Variants in RTN4 observed in about 807,000 individuals in gnomAD.
RTN4 encodes the protein reticulon-4.
A neutral mutation model predicts 90.4 loss-of-function variants in RTN4; 32 were observed. The ratio of observed to expected loss-of-function variants is 0.35; its 90% CI spans 0.27 to 0.48. The LOEUF is 0.48. Among genes scored for constraint, RTN4 ranks in the 20% least tolerant of loss-of-function variants. The pLI, the probability that RTN4 is intolerant of heterozygous loss-of-function variation, is 0.99. For missense variants in RTN4, 1,706 were observed against 1,430.2 expected (o/e 1.19, Z -3.11); for synonymous variants, 629 against 552.5 (o/e 1.14, Z -1.94).
the RTN4 span, among the ~76,000 whole-genome samples, chr2:55,129,562 T>C: frequency 1.4e-5 from 2 of 147,306 alleles, no homozygotes; most frequent in African/African-American, 5.1e-5. Flanking sequence ...ACTGGGTGAG[T>C]GACAAAGCAA....
Position 55,034,892 on chromosome 2 carries a change from C to A in RTN4, c.557-6672G>T, listed in dbSNP as rs184513152. On this transcript the variant is annotated intron_variant, in intron 1 of 8. Transcript: ENST00000337526. ...TAGTATATGAAAGTATGTTTTATTACATGTGAAACATGTAAGGTGGTATAA... is the reference window on the plus strand; with the variant it reads ...TAGTATATGAAAGTATGTTTTATTAAATGTGAAACATGTAAGGTGGTATAA... Among the ~76,000 whole-genome samples the A allele has an allele frequency of 7.2e-4, 109 of 152,240 alleles. 1 individual carries two copies. Among genetic ancestry groups the A allele is most frequent in the African/African-American group, 2.5e-3 (103 of 41,542 alleles).
chr2:55,070,748 T>TTTG (rs71410417), intron 2 of RTN4, among the ~76,000 whole-genome samples: 24,782 of 149,352 alleles, frequency 0.17, 3,601 homozygotes, highest in African/African-American at 0.39. Context: ...TGTTTTGATT[T>TTTG]TTGTTGTTGT....
the RTN4 span, among the ~76,000 whole-genome samples, chr2:55,126,666 C>A: frequency 6.6e-6 from 1 of 152,132 alleles, no homozygotes; most frequent in Non-Finnish European, 1.5e-5. Flanking sequence ...CCCAGCAATC[C>A]CATTATTGGG....
upstream of RTN4, among the ~76,000 whole-genome samples, chr2:55,113,514 T>C (rs1461031469): frequency 6.6e-6 from 1 of 152,044 alleles, no homozygotes; most frequent in African/African-American, 2.4e-5. Context: ...GAGACAAGGG[T>C]GGTGGTGGTA....
At chr2:55,134,021 G>A in the RTN4 span, among the ~76,000 whole-genome samples, 1 of 152,080 alleles carries the variant, frequency 6.6e-6, no homozygotes, top group African/African-American at 2.4e-5. Flanking sequence ...TGAGCTTTCT[G>A]GGAAAGGGGT....
chr2:55,129,822 A>C, the RTN4 span, among the ~76,000 whole-genome samples: 1 of 152,138 alleles, frequency 6.6e-6, no homozygotes, highest in South Asian at 2.1e-4. Context: ...CGGACTCCCA[A>C]AGTGTTGCAA....
intron 1 of RTN4, among the ~76,000 whole-genome samples, chr2:55,106,917 G>C (rs934764933): frequency 1.3e-5 from 2 of 152,148 alleles, no homozygotes; most frequent in African/African-American, 2.4e-5. Context: ...ACAAACACTA[G>C]CACCTGAATG....
At chr2:55,111,106 GAATAAAAACAA>G (rs953348176) in intron 1 of RTN4, among the ~76,000 whole-genome samples, 16 of 151,980 alleles carry the variant, frequency 1.1e-4, no homozygotes, top group Admixed American at 5.2e-4. Context: ...AAAAAGAAAA[GAATAAAAACAA>G]AATAAAAACA....
chr2:55,116,131 G>A (rs774605998), upstream of RTN4, among the ~76,000 whole-genome samples: 1 of 75,206 alleles, frequency 1.3e-5, no homozygotes, highest in African/African-American at 5.5e-5. Flanking sequence ...GTCTCACTTT[G>A]TTGCCCAGGC....
At chr2:55,114,656 G>A (rs922284456), upstream of RTN4, among the ~76,000 whole-genome samples, 5 of 152,088 alleles carry the variant, frequency 3.3e-5, no homozygotes, top group African/African-American at 1.2e-4. Context: ...CCAAGATTGC[G>A]GCACTGCACT....
At chr2:55,108,984 C>A (rs1667990789) in intron 1 of RTN4, among the ~76,000 whole-genome samples, 1 of 152,034 alleles carries the variant, frequency 6.6e-6, no homozygotes, top group African/African-American at 2.4e-5. Flanking sequence ...TGCAGCGTTT[C>A]CAAGTGACAG....
intron 2 of RTN4, among the ~76,000 whole-genome samples, chr2:55,080,087 G>A (rs570810431): frequency 2.3e-4 from 35 of 152,256 alleles, no homozygotes; most frequent in African/African-American, 8.4e-4. Flanking sequence ...CATGATCACA[G>A]TTAACTACAG....
chr2:55,035,122 A>G (rs1179672350), intron 1 of RTN4, among the ~76,000 whole-genome samples: 1 of 152,178 alleles, frequency 6.6e-6, no homozygotes, highest in Non-Finnish European at 1.5e-5. Flanking sequence ...ACAAAGACAC[A>G]CAACCACACA....
intron 3 of RTN4, 61 bp from the exon 4 acceptor site, chr2:54,987,759 A>T: frequency 7.1e-7 from 1 of 1,412,640 alleles, no homozygotes; most frequent in Non-Finnish European, 9.8e-7. Context: ...GATTTGCTCC[A>T]TCTATGAAAA....
At chr2:55,032,741 A>G (rs954559827) in intron 1 of RTN4, among the ~76,000 whole-genome samples, 1 of 152,178 alleles carries the variant, frequency 6.6e-6, no homozygotes, top group Non-Finnish European at 1.5e-5. Flanking sequence ...AAAAAAAGCA[A>G]CAGTGGCCAG....
intron 1 of RTN4, among the ~76,000 whole-genome samples, chr2:55,081,781 C>A (rs911599077): frequency 6.7e-6 from 1 of 149,314 alleles, no homozygotes; most frequent in African/African-American, 2.5e-5. Flanking sequence ...GAGAATCACT[C>A]GAGCCTGGCA....
the RTN4 span, among the ~76,000 whole-genome samples, chr2:55,134,534 T>C: frequency 0.95 from 144,735 of 152,274 alleles, 68,885 homozygotes; most frequent in African/African-American, 0.98. Flanking sequence ...GCAGCACCAA[T>C]TTCCTGCATG....
chr2:55,056,620 G>T (rs1668194909), intron 2 of RTN4: 1 of 151,076 alleles, frequency 6.6e-6, no homozygotes, highest in African/African-American at 2.4e-5. Context: ...GGGTGACAGA[G>T]CAAGACCCCA....
At chr2:55,039,155 C>A (rs769799299) in intron 1 of RTN4, among the ~76,000 whole-genome samples, 1 of 152,130 alleles carries the variant, frequency 6.6e-6, no homozygotes, top group Admixed American at 6.5e-5. Context: ...AGAGATCTTT[C>A]TAGGATGATA....
Sources: allele counts gnomAD v4.1 joint callset (sites outside exome capture counted in the v4.1 genomes callset), GRCh38; gene constraint gnomAD v4.1.1; transcripts MANE v1.5; gene names NCBI Gene and HGNC (gene_info 2026-07-23, HGNC 2026-07-21).